MSRA: variants seen among roughly 807,000 people sequenced by gnomAD.
The protein encoded by MSRA is mitochondrial peptide methionine sulfoxide reductase.
Under a neutral mutation model 31.3 loss-of-function variants are expected in MSRA, and 54 were observed. The observed-to-expected ratio is 1.73, with a 90% CI of 1.39 to 2.17. The LOEUF (loss-of-function observed/expected upper bound fraction) is 2.17. MSRA is among the 30% of genes most tolerant of loss of function. MSRA has a pLI of 0.00. For missense variants in MSRA, 507 were observed against 300.9 expected (o/e 1.69, Z -5.07); for synonymous variants, 169 against 116.5 (o/e 1.45, Z -2.90).
intron 1 of MSRA, among the ~76,000 whole-genome samples, chr8:10,195,785 A>C (rs1807918474): frequency 6.6e-6 from 1 of 152,212 alleles, no homozygotes; most frequent in Non-Finnish European, 1.5e-5. Flanking sequence ...GTTTGCTGTA[A>C]AGTTTATAAT....
intron 3 of MSRA, among the ~76,000 whole-genome samples, chr8:10,280,764 G>A (rs950932170): frequency 6.6e-6 from 1 of 152,216 alleles, no homozygotes; most frequent in Admixed American, 6.5e-5. Flanking sequence ...TAGCCATAAA[G>A]TGGAAACAAC....
At chr8:10,328,054 G>GTTTTTTTTTTTTTTTTTTTTTTT (rs1563356091) in intron 5 of MSRA, among the ~76,000 whole-genome samples, 1 of 58,946 alleles carries the variant, frequency 1.7e-5, no homozygotes, top group Admixed American at 2.0e-4. Context: ...TTTTTTTTTA[G>GTTTTTTTTTTTTTTTTTTTTTTT]TATCAGTGAC....
At chr8:10,192,937 A>T (rs1455636952) in intron 1 of MSRA, among the ~76,000 whole-genome samples, 1 of 152,214 alleles carries the variant, frequency 6.6e-6, no homozygotes, top group Non-Finnish European at 1.5e-5. Flanking sequence ...TCATTTTTAA[A>T]TTGGGGGTTT....
chr8:10,322,697 C>G (rs1369100646), intron 5 of MSRA, among the ~76,000 whole-genome samples: 1 of 152,132 alleles, frequency 6.6e-6, no homozygotes, highest in African/African-American at 2.4e-5. Context: ...TGGTAAATAC[C>G]TCATAAACAG....
At chr8:10,217,894 T>C (rs1810136831) in intron 2 of MSRA, among the ~76,000 whole-genome samples, 1 of 152,154 alleles carries the variant, frequency 6.6e-6, no homozygotes, top group Non-Finnish European at 1.5e-5. Flanking sequence ...ATATAAATAG[T>C]TTCTTTTCAT....
intron 5 of MSRA, among the ~76,000 whole-genome samples, chr8:10,392,474 C>A (rs554875621): frequency 6.6e-6 from 1 of 152,252 alleles, no homozygotes; most frequent in East Asian, 1.9e-4. Flanking sequence ...TCCCTCCAAC[C>A]TGCTCCTGCC....
intron 5 of MSRA, among the ~76,000 whole-genome samples, chr8:10,414,302 G>A (rs1808329987): frequency 6.6e-6 from 1 of 152,198 alleles, no homozygotes; most frequent in African/African-American, 2.4e-5. Context: ...TAAACAGGAG[G>A]CATCCTGCTG....
At chr8:10,311,605 T>C (rs548805582) in intron 4 of MSRA, among the ~76,000 whole-genome samples, 3 of 152,292 alleles carry the variant, frequency 2.0e-5, no homozygotes, top group Admixed American at 2.0e-4. Context: ...GAAAATCGTC[T>C]TATGTTAGAA....
intron 5 of MSRA, among the ~76,000 whole-genome samples, chr8:10,406,218 C>T (rs543440902): frequency 8.5e-5 from 13 of 152,338 alleles, no homozygotes; most frequent in Admixed American, 3.3e-4. Context: ...GAAAGTCTAC[C>T]GTGGTGGGCT....
intron 1 of MSRA, among the ~76,000 whole-genome samples, chr8:10,112,874 A>T (rs1337212578): frequency 6.6e-6 from 1 of 152,090 alleles, no homozygotes; most frequent in Admixed American, 6.5e-5. Context: ...CTCACCCTTG[A>T]ACTTTTATGG....
chr8:10,294,140 C>A (rs1585389756), intron 3 of MSRA, among the ~76,000 whole-genome samples: 2 of 152,058 alleles, frequency 1.3e-5, no homozygotes, highest in African/African-American at 4.8e-5. Context: ...GGTGGAGGTT[C>A]CAGTGAACCG....
At chr8:10,256,359 G>C (rs748954082) in intron 3 of MSRA, among the ~76,000 whole-genome samples, 2 of 152,130 alleles carry the variant, frequency 1.3e-5, no homozygotes, top group African/African-American at 4.8e-5. Context: ...CAGTTTGCTT[G>C]TCTATTCCCC....
intron 1 of MSRA, among the ~76,000 whole-genome samples, chr8:10,116,500 G>A (rs1010988421): frequency 2.6e-5 from 4 of 152,196 alleles, no homozygotes; most frequent in African/African-American, 9.6e-5. Flanking sequence ...AGAGAACAAA[G>A]AGGTGGTCCT....
In MSRA at chr8:10,054,466, C is replaced by G. The variant is rs1802169768; in HGVS notation, c.-51C>G. The G allele has an allele frequency of 6.5e-7, 1 of 1,528,558 alleles. No individual in the cohort carries two copies. The highest frequency in any genetic ancestry group is 8.8e-7 in the Non-Finnish European group (1 of 1,137,214). The allele number at this position is 1,528,558 out of a possible 1,614,324, so 94.7% of individuals were successfully genotyped here. On this transcript the variant is annotated 5_prime_UTR_variant, in exon 1 of 6. Transcript: ENST00000317173. ...CTCTCTGCCGTTCCGGCTGCGGCTC[C>G]GCTGCCGGTAGCGCCGTCCCCCGGG... is the stretch of plus-strand genomic sequence containing the variant.
intron 5 of MSRA, among the ~76,000 whole-genome samples, chr8:10,372,310 G>C (rs1194183598): frequency 3.9e-5 from 6 of 152,230 alleles, no homozygotes; most frequent in Non-Finnish European, 8.8e-5. Context: ...TGAGCGGAAA[G>C]TGCTCAGAGT....
chr8:10,308,474 C>T (rs1585425309), intron 4 of MSRA, among the ~76,000 whole-genome samples: 1 of 152,198 alleles, frequency 6.6e-6, no homozygotes, highest in East Asian at 1.9e-4. Context: ...GCCTGTCTCA[C>T]CCTTTCTCAT....
intron 5 of MSRA, among the ~76,000 whole-genome samples, chr8:10,395,345 T>C (rs1491003942): frequency 1.3e-5 from 2 of 152,070 alleles, no homozygotes; most frequent in Non-Finnish European, 2.9e-5. Flanking sequence ...TACGTATGAG[T>C]CTGTGAACCG....
intron 1 of MSRA, among the ~76,000 whole-genome samples, chr8:10,123,872 C>CT (rs1801303194): frequency 6.8e-6 from 1 of 147,906 alleles, no homozygotes. Flanking sequence ...TTTTTTCTTT[C>CT]TTCTTCTTTT....
intron 5 of MSRA, among the ~76,000 whole-genome samples, chr8:10,395,671 A>T (rs988640975): frequency 6.6e-6 from 1 of 152,110 alleles, no homozygotes; most frequent in African/African-American, 2.4e-5. Context: ...TTATAATGAA[A>T]TGCTGAGAAT....
Sources: gnomAD v4.1 joint callset for allele counts (sites outside exome capture counted in the v4.1 genomes callset) on GRCh38, gnomAD v4.1.1 for gene constraint, MANE v1.5 for transcripts, NCBI Gene and HGNC (gene_info 2026-07-23, HGNC 2026-07-21) for gene names.